Variants in MRPL1 observed in about 807,000 individuals in gnomAD.
MRPL1 encodes mitochondrial ribosomal protein L1, also known as large ribosomal subunit protein uL1m.
MRPL1 carries 28 observed loss-of-function variants against 38.0 expected under a neutral mutation model. The ratio of observed to expected loss-of-function variants is 0.74; its 90% CI spans 0.55 to 1.01. The LOEUF (loss-of-function observed/expected upper bound fraction) is 1.01. Ranked by LOEUF, MRPL1 falls within the 50% of genes least tolerant of loss-of-function variation. MRPL1 has a pLI of 0.00. For synonymous variants in MRPL1, 123 were observed against 126.7 expected, an observed-to-expected ratio of 0.97 and a Z score of 0.20; for missense variants, 358 against 389.8, an observed-to-expected ratio of 0.92 and a Z score of 0.69.
chr4:77,911,804 T>C lies in MRPL1; in HGVS notation c.777+2432T>C, dbSNP rs150011828. Among the ~76,000 whole-genome samples, 591 of 152,230 alleles carry C rather than the reference T, an allele frequency of 3.9e-3. 4 individuals are homozygous for C. Among genetic ancestry groups the C allele is most frequent in the African/African-American group, 0.014 (564 of 41,544 alleles). On this transcript the variant is annotated intron_variant, in intron 7 of 8. Coordinates refer to ENST00000315567, the MANE Select transcript of MRPL1 (RefSeq NM_020236.4). ...CAAAACCAGACAAAGAAAACCACAA[T>C]GCAGTATCATTCGTGAACATAGATG...
At chr4:77,941,612 T>C (rs934839547) in intron 7 of MRPL1, among the ~76,000 whole-genome samples, 1 of 152,226 alleles carries the variant, frequency 6.6e-6, no homozygotes, top group African/African-American at 2.4e-5. Context: ...AGGAGGGTTG[T>C]CTATTTCCAG....
intron 6 of MRPL1, among the ~76,000 whole-genome samples, chr4:77,904,387 C>T (rs981232830): frequency 6.6e-6 from 1 of 151,922 alleles, no homozygotes; most frequent in African/African-American, 2.4e-5. Flanking sequence ...AACCCCATCT[C>T]TACTAAAAAT....
At chr4:77,952,350 G>T in intron 8 of MRPL1, 139 bp from the exon 9 acceptor site, 1 of 676,694 alleles carries the variant, frequency 1.5e-6, no homozygotes, top group Non-Finnish European at 2.6e-6. Flanking sequence ...CGGTACAATT[G>T]GTTTCTTTAT....
intron 6 of MRPL1, chr4:77,907,287 GGAGA>G (rs1736178612): frequency 1.9e-6 from 1 of 533,016 alleles, no homozygotes; most frequent in African/African-American, 2.1e-5. Flanking sequence ...CTAAATCTTA[GGAGA>G]GAAATAGTTT....
chr4:77,934,628 G>A (rs2110261355), intron 7 of MRPL1, among the ~76,000 whole-genome samples: 1 of 152,122 alleles, frequency 6.6e-6, no homozygotes, highest in South Asian at 2.1e-4. Flanking sequence ...AAACAATATG[G>A]CAATTCTCAA....
At chr4:77,868,928 A>G (rs1303779292) in intron 1 of MRPL1, among the ~76,000 whole-genome samples, 4 of 152,206 alleles carry the variant, frequency 2.6e-5, no homozygotes, top group Non-Finnish European at 5.9e-5. Flanking sequence ...TTAGCCATCC[A>G]AGTATTTTAA....
chr4:77,888,223 C>T (rs114961371), intron 5 of MRPL1, among the ~76,000 whole-genome samples: 1,826 of 152,130 alleles, frequency 0.012, 20 homozygotes, highest in South Asian at 0.053. Flanking sequence ...AACAGAGCTT[C>T]GCTGGACGCA....
chr4:77,864,974 C>T lies in MRPL1; in HGVS notation c.31+2095C>T, dbSNP rs1441404275. ...GGCACGATCTTGGCTCATGCAACCT[C>T]TGCCTCCCGGGTTCAAGCAATTCTT... On this transcript the variant is annotated intron_variant, in intron 1 of 8. Transcript: ENST00000315567. 5.3e-5 allele frequency among the ~76,000 whole-genome samples: 8 copies of T among 150,988 alleles called. No homozygotes were observed. The East Asian group carries it at 1.6e-3, about 30-fold the overall frequency.
chr4:77,946,103 A>G (rs750245319), intron 7 of MRPL1, among the ~76,000 whole-genome samples: 1 of 152,034 alleles, frequency 6.6e-6, no homozygotes, highest in Non-Finnish European at 1.5e-5. Context: ...CCTTATCTCA[A>G]CCGCGTAAGA....
intron 2 of MRPL1, among the ~76,000 whole-genome samples, chr4:77,878,868 A>G (rs1368707274): frequency 6.6e-6 from 1 of 151,848 alleles, no homozygotes; most frequent in Non-Finnish European, 1.5e-5. Context: ...ACAGAGCGAG[A>G]CTCCGTCTTA....
chr4:77,948,771 C>CTT (rs199944670), intron 7 of MRPL1, among the ~76,000 whole-genome samples: 9,853 of 139,046 alleles, frequency 0.071, 624 homozygotes, highest in African/African-American at 0.17. Context: ...TCTTCTTCTT[C>CTT]TTTTTTTTTT....
chr4:77,877,979 T>C lies in MRPL1; in HGVS notation c.144-5263T>C, dbSNP rs111260803. Among the ~76,000 whole-genome samples the C allele has an allele frequency of 2.9e-3, 442 of 152,184 alleles. 3 individuals are homozygous for C. The highest frequency in any genetic ancestry group is 0.014 in the Middle Eastern group (4 of 294). ...TCCTGGGAGCACCTGGTGGGAGGTA[T>C]GTGGAAAATGGCCTGTGAATTGAGT... On this transcript the variant is annotated intron_variant, in intron 2 of 8. Coordinates refer to ENST00000315567, the MANE Select transcript of MRPL1 (RefSeq NM_020236.4).
chr4:77,894,901 A>G (rs1205997749), intron 6 of MRPL1, among the ~76,000 whole-genome samples: 3 of 152,282 alleles, frequency 2.0e-5, no homozygotes, highest in South Asian at 2.1e-4. Flanking sequence ...ATTGAGGAGA[A>G]TATTTTAAGT....
intron 7 of MRPL1, among the ~76,000 whole-genome samples, chr4:77,909,744 A>C (rs2110248339): frequency 6.6e-6 from 1 of 152,310 alleles, no homozygotes; most frequent in Admixed American, 6.5e-5. Context: ...GTAGGTGTTC[A>C]ATACTACTTT....
intron 1 of MRPL1, among the ~76,000 whole-genome samples, chr4:77,867,898 A>G (rs1274274193): frequency 2.6e-5 from 4 of 151,210 alleles, no homozygotes; most frequent in Non-Finnish European, 4.4e-5. Context: ...CTGAGACTAT[A>G]GGCGCCCGCC....
intron 7 of MRPL1, among the ~76,000 whole-genome samples, chr4:77,942,608 TATATAATGTCAAA>T (rs1737161952): frequency 6.6e-6 from 1 of 152,234 alleles, no homozygotes; most frequent in African/African-American, 2.4e-5. Context: ...CTTTTGTCTT[TATATAATGTCAAA>T]ATATAATGTC....
intron 6 of MRPL1, among the ~76,000 whole-genome samples, chr4:77,895,285 C>G (rs956336504): frequency 1.8e-4 from 28 of 151,984 alleles, no homozygotes; most frequent in African/African-American, 2.4e-5. Flanking sequence ...AAGCTAAGGT[C>G]TTCATAACGA....
intron 1 of MRPL1, among the ~76,000 whole-genome samples, chr4:77,863,397 C>T (rs956644989): frequency 4.0e-5 from 6 of 151,112 alleles, no homozygotes; most frequent in Admixed American, 6.6e-5. Flanking sequence ...CTCTTGGTAG[C>T]GCCTCTTTTC....
chr4:77,867,984 C>T lies in MRPL1; in HGVS notation c.32-3760C>T, dbSNP rs1166045570. ...TGTTAGCCAGGATGGTCTTGATCTC[C>T]TGACCTCGTGATCCGCCCACCTCAG... On this transcript the variant is annotated intron_variant, in intron 1 of 8. Coordinates refer to ENST00000315567, the MANE Select transcript of MRPL1 (RefSeq NM_020236.4). Among the ~76,000 whole-genome samples, 4 of 151,912 alleles carry T rather than the reference C, an allele frequency of 2.6e-5. 1 individual carries two copies. Among genetic ancestry groups the T allele is most frequent in the African/African-American group, 9.7e-5 (4 of 41,446 alleles).
Sources: gnomAD v4.1 joint callset for allele counts (sites outside exome capture counted in the v4.1 genomes callset) on GRCh38, gnomAD v4.1.1 for gene constraint, MANE v1.5 for transcripts, NCBI Gene and HGNC (gene_info 2026-07-23, HGNC 2026-07-21) for gene names.